RPS6KC1: variants seen among roughly 807,000 people sequenced by gnomAD.
RPS6KC1 encodes the protein inactive ribosomal protein S6 kinase delta-1.
RPS6KC1 carries 54 observed loss-of-function variants against 103.8 expected under a neutral mutation model. The observed-to-expected ratio is 0.52, with a 90% CI of 0.42 to 0.65. The LOEUF is 0.65. Among genes scored for constraint, RPS6KC1 ranks in the 30% least tolerant of loss-of-function variants. The pLI, the probability that RPS6KC1 is intolerant of heterozygous loss-of-function variation, is 0.00. For missense variants in RPS6KC1, 1,151 were observed against 1,253.8 expected, an observed-to-expected ratio of 0.92 and a Z score of 1.24; for synonymous variants, 439 against 438.7, an observed-to-expected ratio of 1.00 and a Z score of -0.01.
chr1:213,151,604 C>T (rs1193527550), intron 6 of RPS6KC1, among the ~76,000 whole-genome samples: 5 of 92,724 alleles, frequency 5.4e-5, no homozygotes, highest in Admixed American at 8.5e-5. Flanking sequence ...GGGGGGCTGA[C>T]CCCCCCACCT....
At chr1:213,315,551 G>T in the RPS6KC1 span, among the ~76,000 whole-genome samples, 1 of 152,156 alleles carries the variant, frequency 6.6e-6, no homozygotes, top group Non-Finnish European at 1.5e-5. Flanking sequence ...TTCATTGCAG[G>T]TTCCCTTTAA....
chr1:213,225,506 A>G (rs1240605140), intron 8 of RPS6KC1, among the ~76,000 whole-genome samples: 1 of 151,812 alleles, frequency 6.6e-6, no homozygotes, highest in East Asian at 1.9e-4. Context: ...CTCATGCCTC[A>G]CCCTCCCGAG....
At chr1:213,351,491 C>T in the RPS6KC1 span, among the ~76,000 whole-genome samples, 5 of 152,126 alleles carry the variant, frequency 3.3e-5, no homozygotes, top group Admixed American at 6.5e-5. Flanking sequence ...TGAAAAGTGG[C>T]AACTGGCTAA....
the RPS6KC1 span, among the ~76,000 whole-genome samples, chr1:213,478,440 C>T: frequency 6.6e-6 from 1 of 152,086 alleles, no homozygotes; most frequent in African/African-American, 2.4e-5. Flanking sequence ...ATTGTCAAAC[C>T]ATCTTCCAAA....
At chr1:213,508,616 A>C in the RPS6KC1 span, among the ~76,000 whole-genome samples, 1 of 152,108 alleles carries the variant, frequency 6.6e-6, no homozygotes, top group Non-Finnish European at 1.5e-5. Flanking sequence ...CTTCTAGGCT[A>C]TGCTCCCAAT....
the RPS6KC1 span, among the ~76,000 whole-genome samples, chr1:213,658,329 C>T: frequency 6.6e-6 from 1 of 152,124 alleles, no homozygotes; most frequent in South Asian, 2.1e-4. Context: ...ACATTTGGCC[C>T]ACAGGGAAAG....
chr1:213,277,945 T>G (rs901476049), downstream of RPS6KC1, among the ~76,000 whole-genome samples: 2 of 152,208 alleles, frequency 1.3e-5, no homozygotes, highest in African/African-American at 4.8e-5. Flanking sequence ...GGCTCACGCC[T>G]GTAATCCCAG....
chr1:213,187,785 T>C (rs1054043912), intron 8 of RPS6KC1, among the ~76,000 whole-genome samples: 1 of 151,598 alleles, frequency 6.6e-6, no homozygotes, highest in Non-Finnish European at 1.5e-5. Flanking sequence ...AGGATAGTTA[T>C]TAATAGATAT....
chr1:213,808,567 C>T, the RPS6KC1 span, among the ~76,000 whole-genome samples: 7 of 152,334 alleles, frequency 4.6e-5, no homozygotes, highest in South Asian at 4.1e-4. Flanking sequence ...GCTCCGTGGG[C>T]GTAGGACCCT....
chr1:213,825,962 T>C, the RPS6KC1 span, among the ~76,000 whole-genome samples: 1 of 152,332 alleles, frequency 6.6e-6, no homozygotes, highest in African/African-American at 2.4e-5. Flanking sequence ...GGGAAGGGGC[T>C]AATTGTATAT....
At chr1:213,807,685 A>AT in the RPS6KC1 span, among the ~76,000 whole-genome samples, 1 of 149,120 alleles carries the variant, frequency 6.7e-6, no homozygotes, top group African/African-American at 2.5e-5. Flanking sequence ...ATTCGTCTAA[A>AT]TTTTTTTCAA....
chr1:213,689,789 G>C, the RPS6KC1 span, among the ~76,000 whole-genome samples: 37 of 152,166 alleles, frequency 2.4e-4, no homozygotes, highest in African/African-American at 8.9e-4. Flanking sequence ...GCAGGTCCTA[G>C]GACTGCATTT....
chr1:213,317,204 A>G, the RPS6KC1 span, among the ~76,000 whole-genome samples: 3 of 152,206 alleles, frequency 2.0e-5, no homozygotes, highest in African/African-American at 7.2e-5. Flanking sequence ...TTTCTGAAGA[A>G]GGCGTTCTCT....
the RPS6KC1 span, among the ~76,000 whole-genome samples, chr1:213,837,017 C>T: frequency 2.6e-5 from 4 of 152,172 alleles, no homozygotes; most frequent in Non-Finnish European, 4.4e-5. Context: ...GGTCTGGAAA[C>T]AAGAGAAGTG....
At chr1:213,272,208 G>T (rs1358870175) in intron 14 of RPS6KC1, among the ~76,000 whole-genome samples, 1 of 152,148 alleles carries the variant, frequency 6.6e-6, no homozygotes, top group Admixed American at 6.5e-5. Flanking sequence ...TAATGTCATG[G>T]TGTACTTTTG....
At chr1:213,507,064 A>G in the RPS6KC1 span, among the ~76,000 whole-genome samples, 2 of 152,290 alleles carry the variant, frequency 1.3e-5, no homozygotes, top group East Asian at 1.9e-4. Flanking sequence ...TGTAAGATGT[A>G]TCTCCCCTAG....
the RPS6KC1 span, among the ~76,000 whole-genome samples, chr1:213,855,328 C>T: frequency 2.8e-4 from 42 of 152,356 alleles, no homozygotes; most frequent in South Asian, 4.3e-3. Context: ...TCCGTCACTA[C>T]TGCCACCACT....
chr1:213,259,935 C>T (rs1008803311), intron 12 of RPS6KC1, among the ~76,000 whole-genome samples: 33 of 151,970 alleles, frequency 2.2e-4, no homozygotes, highest in African/African-American at 6.0e-4. Flanking sequence ...GATGGGGTTT[C>T]GCCATGTTGG....
At chr1:213,718,600 G>C in the RPS6KC1 span, among the ~76,000 whole-genome samples, 9 of 152,348 alleles carry the variant, frequency 5.9e-5, no homozygotes, top group African/African-American at 2.2e-4. Flanking sequence ...GGCAATGGCT[G>C]TTTTCTCCAT....
Sources: gnomAD v4.1 joint callset for allele counts (sites outside exome capture counted in the v4.1 genomes callset) on GRCh38, gnomAD v4.1.1 for gene constraint, MANE v1.5 for transcripts, NCBI Gene and HGNC (gene_info 2026-07-23, HGNC 2026-07-21) for gene names.